The following PCDH15 variants were observed in gnomAD, a reference collection of about 807,000 sequenced individuals.
PCDH15 encodes the protein protocadherin-15.
Under a neutral mutation model 178.5 loss-of-function variants are expected in PCDH15, and 129 were observed. The observed-to-expected ratio is 0.72, with a 90% CI of 0.63 to 0.84. The LOEUF (loss-of-function observed/expected upper bound fraction) is 0.84, where lower values mean the gene tolerates loss of function less well. Among genes scored for constraint, PCDH15 ranks in the 40% least tolerant of loss-of-function variants. The probability of loss-of-function intolerance (pLI) is 0.00; values close to 1 mark genes in which losing one functional copy is unlikely to be tolerated. For synonymous variants in PCDH15, 800 were observed against 732.0 expected, an observed-to-expected ratio of 1.09 and a Z score of -1.50; for missense variants, 2,230 against 2,099.9, an observed-to-expected ratio of 1.06 and a Z score of -1.21.
intron 2 of PCDH15, among the ~76,000 whole-genome samples, chr10:54,951,079 A>C (rs1675558375): frequency 6.6e-6 from 1 of 151,882 alleles, no homozygotes; most frequent in South Asian, 2.1e-4. Context: ...TATTAACCAA[A>C]ATTTGTATTT....
At chr10:54,112,906 T>G (rs919854329) in intron 15 of PCDH15, among the ~76,000 whole-genome samples, 2 of 152,176 alleles carry the variant, frequency 1.3e-5, no homozygotes, top group African/African-American at 4.8e-5. Context: ...CTATTGCTGA[T>G]TAGTTACGTA....
intron 2 of PCDH15, among the ~76,000 whole-genome samples, chr10:55,612,965 C>T (rs1053351046): frequency 9.3e-5 from 14 of 150,606 alleles, no homozygotes; most frequent in Admixed American, 2.6e-4. Context: ...TATAAGGATA[C>T]TATCTTCCTG....
At chr10:54,954,173 A>G (rs1196629516) in intron 2 of PCDH15, among the ~76,000 whole-genome samples, 2 of 151,318 alleles carry the variant, frequency 1.3e-5, no homozygotes, top group African/African-American at 4.8e-5. Context: ...GAAGCACCAC[A>G]TTATCAGACA....
intron 2 of PCDH15, among the ~76,000 whole-genome samples, chr10:55,041,103 C>G (rs1181861155): frequency 1.3e-5 from 2 of 151,964 alleles, no homozygotes; most frequent in Non-Finnish European, 2.9e-5. Flanking sequence ...GAATATTTTA[C>G]TTTACTGTTT....
intron 2 of PCDH15, among the ~76,000 whole-genome samples, chr10:55,531,674 T>C (rs1431373650): frequency 6.6e-6 from 1 of 152,048 alleles, no homozygotes; most frequent in Non-Finnish European, 1.5e-5. Flanking sequence ...CTAAAATTAT[T>C]GTGCAGGAAT....
intron 1 of PCDH15, among the ~76,000 whole-genome samples, chr10:54,670,369 T>C (rs1209709764): frequency 1.3e-5 from 2 of 152,146 alleles, no homozygotes; most frequent in African/African-American, 4.8e-5. Context: ...ACTACAGCTA[T>C]GGTGAATTCT....
chr10:54,018,884 T>C (rs911493437), intron 20 of PCDH15, among the ~76,000 whole-genome samples: 1 of 152,102 alleles, frequency 6.6e-6, no homozygotes, highest in East Asian at 1.9e-4. Flanking sequence ...CAATTATATT[T>C]TTGGGGGTAG....
intron 2 of PCDH15, among the ~76,000 whole-genome samples, chr10:55,152,827 A>G (rs914906061): frequency 6.6e-6 from 1 of 152,200 alleles, no homozygotes; most frequent in Non-Finnish European, 1.5e-5. Flanking sequence ...TTCAATGACT[A>G]TATCATAAAA....
rs367844295 is a variant in PCDH15, at chr10:54,607,690, T to C, written c.91+56482A>G. Among the ~76,000 whole-genome samples the C allele has an allele frequency of 8.6e-5, 13 of 151,998 alleles. No homozygotes were observed. The East Asian group carries it at 9.7e-4, about 11-fold the overall frequency. On this transcript the variant is annotated intron_variant, in intron 2 of 37. Transcript: ENST00000644397. ...ATAATAGACTAGAGGGTAATGGAGA[T>C]TTTAAAATTTATATTATCTTAATAT...
At chr10:54,137,045 A>G (rs1053932455) in intron 14 of PCDH15, among the ~76,000 whole-genome samples, 1 of 152,196 alleles carries the variant, frequency 6.6e-6, no homozygotes, top group Admixed American at 6.5e-5. Context: ...ATGTCAGCAC[A>G]GTGTCAGAGT....
At chr10:54,503,505 T>C (rs2080904102) in intron 3 of PCDH15, among the ~76,000 whole-genome samples, 1 of 142,566 alleles carries the variant, frequency 7.0e-6, no homozygotes, top group Non-Finnish European at 1.5e-5. Flanking sequence ...AAAAACAGAA[T>C]AGATAGAATA....
In PCDH15 at chr10:53,991,616, G is replaced by T. The variant is rs370314181; in HGVS notation, c.2868+4033C>A. ...TAAAGGACTGTAAATGCACCAATCA[G>T]CACTCTGTGTATAGCTCAAGGTTTG... is the stretch of plus-strand genomic sequence containing the variant. On this transcript the variant is annotated intron_variant, in intron 21 of 37. Coordinates refer to ENST00000644397, the MANE Select transcript of PCDH15 (RefSeq NM_001384140.1). 2.6e-4 allele frequency among the ~76,000 whole-genome samples: 40 copies of T among 151,738 alleles called. 1 individual carries two copies. The South Asian group carries it at 7.5e-3, about 28-fold the overall frequency.
chr10:54,450,867 A>C (rs1053424136), intron 3 of PCDH15, among the ~76,000 whole-genome samples: 1 of 151,886 alleles, frequency 6.6e-6, no homozygotes, highest in African/African-American at 2.4e-5. Context: ...AATATAACAT[A>C]GCTTTGCCAA....
At chr10:53,940,025 C>A (rs2085914614) in intron 24 of PCDH15, among the ~76,000 whole-genome samples, 1 of 152,144 alleles carries the variant, frequency 6.6e-6, no homozygotes, top group Non-Finnish European at 1.5e-5. Context: ...ACTACACGGG[C>A]AGCAATACCT....
chr10:55,451,106 G>T (rs1048491181), intron 2 of PCDH15, among the ~76,000 whole-genome samples: 7 of 151,632 alleles, frequency 4.6e-5, no homozygotes, highest in African/African-American at 9.7e-5. Flanking sequence ...AGCACAACTC[G>T]GGTCTAAATA....
At chr10:54,415,008 T>G (rs146893633) in intron 3 of PCDH15, among the ~76,000 whole-genome samples, 8 of 152,192 alleles carry the variant, frequency 5.3e-5, no homozygotes, top group African/African-American at 1.9e-4. Context: ...ACGTGAAATG[T>G]GATATCAAGT....
intron 15 of PCDH15, among the ~76,000 whole-genome samples, chr10:54,095,617 A>G (rs533559917): frequency 2.1e-4 from 32 of 152,270 alleles, no homozygotes; most frequent in Non-Finnish European, 3.8e-4. Context: ...CCCAGGAAGC[A>G]AAATAAAATG....
At chr10:55,017,725 A>C (rs1840217584) in intron 2 of PCDH15, among the ~76,000 whole-genome samples, 1 of 152,070 alleles carries the variant, frequency 6.6e-6, no homozygotes, top group African/African-American at 2.4e-5. Flanking sequence ...GTAAACTTTG[A>C]CTTTGAGGGA....
At chr10:54,329,458 T>TA in intron 7 of PCDH15, 138 bp downstream of exon 7, 1 of 655,658 alleles carries the variant, frequency 1.5e-6, no homozygotes, top group East Asian at 2.7e-5. Context: ...AAGAGTATTA[T>TA]ATATAAACAC....
Sources: allele counts gnomAD v4.1 joint callset (sites outside exome capture counted in the v4.1 genomes callset), GRCh38; gene constraint gnomAD v4.1.1; transcripts MANE v1.5; gene names NCBI Gene and HGNC (gene_info 2026-07-23, HGNC 2026-07-21).